Variants in VPS39 observed in about 807,000 individuals in gnomAD.
The protein encoded by VPS39 is VPS39 subunit of HOPS complex, also known as vam6/Vps39-like protein.
In VPS39, 70 loss-of-function variants were observed where a neutral mutation model predicts 121.0. That is an observed-to-expected ratio of 0.58 (90% CI 0.48 to 0.71). The LOEUF (loss-of-function observed/expected upper bound fraction) is 0.71. Among genes scored for constraint, VPS39 ranks in the 30% least tolerant of loss-of-function variants. The probability of loss-of-function intolerance (pLI) is 0.00; values close to 1 mark genes in which losing one functional copy is unlikely to be tolerated. For missense variants in VPS39, 818 were observed against 1,051.5 expected (o/e 0.78, Z 3.07); for synonymous variants, 378 against 398.1 (o/e 0.95, Z 0.60).
chr15:42,191,607 T>C (rs1477622081), intron 2 of VPS39, 47 bp from the exon 3 acceptor site: 58 of 1,539,690 alleles, frequency 3.8e-5, no homozygotes, highest in Non-Finnish European at 4.8e-5. Context: ...CAGGGATACA[T>C]AGAAAAACCA....
rs984184319 is a variant in VPS39 at position 42,202,327 on chromosome 15, C to CA, written c.74-2367dup. Among the ~76,000 whole-genome samples the CA allele has an allele frequency of 1.0e-3, 157 of 151,676 alleles. 1 individual carries two copies. Among genetic ancestry groups the CA allele is most frequent in the African/African-American group, 3.6e-3 (151 of 41,378 alleles). Reference sequence around the variant, plus strand: ...TCTTAAAGGAAAGGCAGGTCACACACAAAAAAAATGTTGAAATCAGAAATA... The same window carrying CA: ...TCTTAAAGGAAAGGCAGGTCACACACAAAAAAAAATGTTGAAATCAGAAATA... On this transcript the variant is annotated intron_variant, in intron 1 of 24. Coordinates refer to ENST00000318006, the MANE Select transcript of VPS39 (RefSeq NM_015289.5).
At chr15:42,164,671 G>A (rs371162950) in intron 18 of VPS39, 185 bp from the exon 19 acceptor site, 52 of 1,434,110 alleles carry the variant, frequency 3.6e-5, no homozygotes, top group Middle Eastern at 2.5e-4. Flanking sequence ...ATCAGCTTAC[G>A]GTTAAAAAAA....
At chr15:42,184,968 G>C (rs2049670008) in intron 7 of VPS39, among the ~76,000 whole-genome samples, 1 of 152,212 alleles carries the variant, frequency 6.6e-6, no homozygotes, top group African/African-American at 2.4e-5. Context: ...CACTGCTGGT[G>C]GGAATGCAAA....
At chr15:42,176,607 A>C (rs1305394845) in intron 10 of VPS39, among the ~76,000 whole-genome samples, 1 of 151,944 alleles carries the variant, frequency 6.6e-6, no homozygotes, top group Non-Finnish European at 1.5e-5. Context: ...AGAAAAAAAA[A>C]CAGTAAGATG....
rs896546155 is a variant in VPS39 at position 42,187,619 on chromosome 15, G to A, written c.441+139C>T. On this transcript the variant is annotated intron_variant, in intron 6 of 24. Transcript: ENST00000318006. ...ACACTGTAGAATCATATTACAAGTA[G>A]GCATCAACAAGCTCTCATGCACTTC... 66 of 795,652 alleles carry A rather than the reference G, an allele frequency of 8.3e-5. No individual in the cohort carries two copies. In the African/African-American group the frequency reaches 1.0e-3, roughly 12 times the overall value. The allele number at this position is 795,652 out of a possible 1,614,324, so 49.3% of individuals were successfully genotyped here. A position where few individuals can be genotyped will look rare whatever the true frequency, so the allele number is the denominator to read the frequency against.
intron 1 of VPS39, among the ~76,000 whole-genome samples, chr15:42,207,721 T>C (rs970058628): frequency 6.6e-6 from 1 of 152,196 alleles, no homozygotes; most frequent in Admixed American, 6.5e-5. Flanking sequence ...TTCAAGCCCC[T>C]GGCAGGCTGA....
intron 1 of VPS39, among the ~76,000 whole-genome samples, chr15:42,206,803 C>T (rs2050182304): frequency 6.6e-6 from 1 of 152,118 alleles, no homozygotes; most frequent in South Asian, 2.1e-4. Context: ...GAGAATGGCC[C>T]GTGTAGCCAC....
At chr15:42,200,894 T>C (rs1453658202) in intron 1 of VPS39, among the ~76,000 whole-genome samples, 2 of 152,142 alleles carry the variant, frequency 1.3e-5, no homozygotes. Context: ...AGTATGGATA[T>C]ATGCTACAAC....
intron 10 of VPS39, among the ~76,000 whole-genome samples, chr15:42,174,961 G>A (rs914088344): frequency 5.3e-5 from 8 of 151,978 alleles, no homozygotes; most frequent in African/African-American, 1.2e-4. Context: ...GTGACAGAGC[G>A]AGACTCCATC....
At chr15:42,207,268 G>A (rs1212439697) in intron 1 of VPS39, among the ~76,000 whole-genome samples, 1 of 152,060 alleles carries the variant, frequency 6.6e-6, no homozygotes, top group African/African-American at 2.4e-5. Flanking sequence ...TGATTTCTAG[G>A]ACCTAAACAT....
chr15:42,193,388 A>C (rs1242489198), intron 2 of VPS39, among the ~76,000 whole-genome samples: 13 of 152,220 alleles, frequency 8.5e-5, no homozygotes, highest in Admixed American at 8.5e-4. Context: ...CATAGTTGAA[A>C]AGGGAAAAGT....
chr15:42,174,643 C>T (rs1320089628), intron 10 of VPS39, among the ~76,000 whole-genome samples: 4 of 152,094 alleles, frequency 2.6e-5, no homozygotes, highest in Non-Finnish European at 5.9e-5. Context: ...GTCCGGGGTC[C>T]AGGATGGATT....
intron 11 of VPS39, among the ~76,000 whole-genome samples, chr15:42,170,409 G>A (rs1030362428): frequency 4.6e-5 from 7 of 152,110 alleles, no homozygotes; most frequent in African/African-American, 1.7e-4. Context: ...AGGCTGAGGT[G>A]GGAGGATCGC....
chr15:42,165,270 G>A, intron 17 of VPS39, 157 bp from the exon 18 acceptor site: 2 of 671,738 alleles, frequency 3.0e-6, no homozygotes, highest in Admixed American at 5.7e-5. Flanking sequence ...AAAGCCACCA[G>A]GAAGTTTCAC....
intron 8 of VPS39, among the ~76,000 whole-genome samples, chr15:42,183,817 C>A (rs1471376921): frequency 6.6e-6 from 1 of 152,152 alleles, no homozygotes; most frequent in East Asian, 1.9e-4. Flanking sequence ...TCTCCAGAGA[C>A]AGGGGTCTTT....
intron 1 of VPS39, among the ~76,000 whole-genome samples, chr15:42,207,640 G>A (rs1360330208): frequency 6.6e-6 from 1 of 152,190 alleles, no homozygotes; most frequent in Non-Finnish European, 1.5e-5. Context: ...AGCATATGGT[G>A]TTAACTTGTT....
chr15:42,173,610 T>C, intron 11 of VPS39, 113 bp downstream of exon 11: 1 of 1,403,396 alleles, frequency 7.1e-7, no homozygotes, highest in Non-Finnish European at 9.7e-7. Context: ...GAGGATCAAT[T>C]TAGCTGAGCC....
intron 8 of VPS39, among the ~76,000 whole-genome samples, chr15:42,181,520 A>G (rs868018655): frequency 6.6e-6 from 1 of 152,218 alleles, no homozygotes; most frequent in African/African-American, 2.4e-5. Flanking sequence ...GTACACTTAA[A>G]AATGGTTCAG....
intron 21 of VPS39, 81 bp downstream of exon 21, chr15:42,163,269 C>T: frequency 6.6e-7 from 1 of 1,521,822 alleles, no homozygotes; most frequent in Non-Finnish European, 9.1e-7. Context: ...CTTATTCTGC[C>T]ACTCATATTA....
Sources: allele counts gnomAD v4.1 joint callset (sites outside exome capture counted in the v4.1 genomes callset), GRCh38; gene constraint gnomAD v4.1.1; transcripts MANE v1.5; gene names NCBI Gene and HGNC (gene_info 2026-07-23, HGNC 2026-07-21).